RBL2: variants seen among roughly 807,000 people sequenced by gnomAD.
The protein encoded by RBL2 is retinoblastoma-like protein 2.
A neutral mutation model predicts 126.0 loss-of-function variants in RBL2; 56 were observed. The observed-to-expected ratio is 0.44, with a 90% CI of 0.36 to 0.56. The LOEUF (loss-of-function observed/expected upper bound fraction) is 0.56, where lower values mean the gene tolerates loss of function less well. Among genes scored for constraint, RBL2 ranks in the 20% least tolerant of loss-of-function variants. The probability of loss-of-function intolerance (pLI) is 0.00; values close to 1 mark genes in which losing one functional copy is unlikely to be tolerated. For missense variants in RBL2, 1,229 were observed against 1,398.2 expected (o/e 0.88, Z 1.93); for synonymous variants, 454 against 478.5 (o/e 0.95, Z 0.67).
chr16:53,453,340 C>T (rs2058133924), intron 5 of RBL2, 112 bp from the exon 6 acceptor site: 1 of 962,830 alleles, frequency 1.0e-6, no homozygotes, highest in Non-Finnish European at 1.5e-6. Context: ...GTTTCCTATA[C>T]ATTTGTATGC....
At chr16:53,461,180 C>G (rs532908506) in intron 9 of RBL2, among the ~76,000 whole-genome samples, 76 of 152,236 alleles carry the variant, frequency 5.0e-4, no homozygotes, top group African/African-American at 1.8e-3. Flanking sequence ...GCCAAGGTTG[C>G]TAAACTTCCT....
Position 53,464,353 on chromosome 16 carries a change from A to G in RBL2, c.1688A>G (p.His563Arg). The G allele has an allele frequency of 6.4e-7, 1 of 1,568,194 alleles. No individual in the cohort carries two copies. Among genetic ancestry groups the G allele is most frequent in the Non-Finnish European group, 8.7e-7 (1 of 1,143,374 alleles). ...ITEIFDVPLY[H>R]FYKVIEVFIR... is the part of the protein sequence containing the mutation. Reference sequence around the variant, plus strand: ...GAAATATTTGATGTGCCTCTTTATCATTTTTATAAGGTATTTTTAAAAATA... The same window carrying G: ...GAAATATTTGATGTGCCTCTTTATCGTTTTTATAAGGTATTTTTAAAAATA... The change falls in exon 12 of 22, where the codon CAT (histidine) becomes CGT (arginine). Residue 563 changes from histidine (H) to arginine (R), a missense_variant. Physicochemically the swap from His to Arg is conservative, Grantham distance 29. This residue lies in a region of RBL2 where 1,070 missense variants were observed against 1,274.3 expected (regional missense o/e 0.84). Transcript: ENST00000262133.
rs752022288 is a variant in RBL2, at chr16:53,454,717, A to G, written c.1054A>G (p.Ile352Val). The G allele has an allele frequency of 1.2e-5, 19 of 1,613,926 alleles. No individual in the cohort carries two copies. The African/African-American group carries it at 2.1e-4, about 18-fold the overall frequency. ...ATCTGTTGGGAATTTAGATGAGCGG[A>G]TATTTCTTGGAGAGGATGCTGAGGA... Reference protein sequence around the residue: ...VLSVGNLDERIFLGEDAEEEI... With the variant: ...VLSVGNLDERVFLGEDAEEEI... The change falls in exon 8 of 22, where the codon ATA (isoleucine) becomes GTA (valine). Residue 352 changes from isoleucine (I) to valine (V), a missense_variant. Ile to Val is a conservative substitution (Grantham distance 29, BLOSUM62 3). Transcript: ENST00000262133.
At chr16:53,461,333 A>G (rs954705104) in intron 9 of RBL2, among the ~76,000 whole-genome samples, 1 of 152,142 alleles carries the variant, frequency 6.6e-6, no homozygotes, top group Non-Finnish European at 1.5e-5. Context: ...TCTCTACTGA[A>G]AATACAAAAA....
chr16:53,476,846 G>A (rs1278842249), intron 17 of RBL2, among the ~76,000 whole-genome samples: 8 of 152,054 alleles, frequency 5.3e-5, no homozygotes, highest in East Asian at 3.9e-4. Flanking sequence ...TTTCATTTTC[G>A]AATGTATTTG....
At chr16:53,457,476 G>A (rs950269465) in intron 8 of RBL2, among the ~76,000 whole-genome samples, 1 of 151,570 alleles carries the variant, frequency 6.6e-6, no homozygotes, top group Non-Finnish European at 1.5e-5. Context: ...GGCTAGTCTG[G>A]TCTTGAACTC....
chr16:53,461,174 A>G (rs996162919), intron 9 of RBL2, among the ~76,000 whole-genome samples: 6 of 152,186 alleles, frequency 3.9e-5, no homozygotes, highest in African/African-American at 1.4e-4. Context: ...GCCCAGGCCA[A>G]GGTTGCTAAA....
In RBL2 at chr16:53,457,798, AC is replaced by A. The variant is rs1403922869; in HGVS notation, c.1180-1651del. ...GCTAAGCACAGTGCTACCAAGAAGCACCATGTTGACCTTGAGGACTCTGGCA... is the reference window on the plus strand; with the variant it reads ...GCTAAGCACAGTGCTACCAAGAAGCACATGTTGACCTTGAGGACTCTGGCA... On this transcript the variant is annotated intron_variant, in intron 8 of 21. Transcript: ENST00000262133. Among the ~76,000 whole-genome samples, 3 of 152,348 alleles carry A rather than the reference AC, an allele frequency of 2.0e-5. No individual in the cohort carries two copies. In the East Asian group the frequency reaches 5.8e-4, roughly 29 times the overall value.
chr16:53,475,769 T>G (rs939789829), intron 17 of RBL2, among the ~76,000 whole-genome samples: 1 of 151,842 alleles, frequency 6.6e-6, no homozygotes, highest in African/African-American at 2.4e-5. Flanking sequence ...TTAATATCTT[T>G]TTTCCCCAAA....
chr16:53,477,499 C>T (rs2048409934), intron 17 of RBL2, among the ~76,000 whole-genome samples: 1 of 152,100 alleles, frequency 6.6e-6, no homozygotes, highest in Non-Finnish European at 1.5e-5. Context: ...CATGTGCCAC[C>T]ATGCCCGGCT....
At chr16:53,438,939 T>G in intron 1 of RBL2, 77 bp from the exon 2 acceptor site, 4 of 1,040,680 alleles carry the variant, frequency 3.8e-6, no homozygotes, top group Non-Finnish European at 3.8e-6. Context: ...CACTTTCAAT[T>G]TAAACATACT....
chr16:53,459,433 A>C lies in RBL2; in HGVS notation c.1180-18A>C. On this transcript the variant is annotated intron_variant, in intron 8 of 21. Coordinates refer to ENST00000262133, the MANE Select transcript of RBL2 (RefSeq NM_005611.4). ...TAAAAAATGTTTATTAATTCTGTGT[A>C]ATTTTTTTTTTCTTTAGTCCAAAGC... 6.3e-7 allele frequency: 1 copy of C among 1,577,930 alleles called. No individual in the cohort carries two copies. Among genetic ancestry groups the C allele is most frequent in the Non-Finnish European group, 8.6e-7 (1 of 1,157,528 alleles).
At chr16:53,457,975 T>C (rs1312636625) in intron 8 of RBL2, among the ~76,000 whole-genome samples, 1 of 152,160 alleles carries the variant, frequency 6.6e-6, no homozygotes, top group Admixed American at 6.5e-5. Flanking sequence ...TAGGCATCGG[T>C]TCATGCACAG....
At position 53,490,125 on chromosome 16, in the gene RBL2, C is replaced by T; in HGVS notation, c.3250-5C>T. The T allele has an allele frequency of 1.9e-6, 3 of 1,558,904 alleles. No homozygotes were observed. Among genetic ancestry groups the T allele is most frequent in the Non-Finnish European group, 2.6e-6 (3 of 1,148,978 alleles). On this transcript the variant is annotated splice_region_variant and splice_polypyrimidine_tract_variant and intron_variant, in intron 21 of 21. Transcript: ENST00000262133. Reference sequence around the variant, plus strand: ...TAAAATTTTTGTATCTTTTTCCCACCATAGAGACTGAGAGAAATTAATAGT... The same window carrying T: ...TAAAATTTTTGTATCTTTTTCCCACTATAGAGACTGAGAGAAATTAATAGT...
intron 4 of RBL2, among the ~76,000 whole-genome samples, chr16:53,450,492 G>A (rs1440708409): frequency 1.3e-5 from 2 of 152,140 alleles, no homozygotes; most frequent in South Asian, 2.1e-4. Context: ...AAGCATACAT[G>A]TGCAGTGTTT....
At chr16:53,481,580 G>C (rs1183238883) in intron 20 of RBL2, 91 bp from the exon 21 acceptor site, 1 of 1,190,570 alleles carries the variant, frequency 8.4e-7, no homozygotes, top group Non-Finnish European at 1.1e-6. Context: ...AAAACTACTG[G>C]TTTAGCACAC....
rs897405226 is a variant in RBL2, at chr16:53,449,603, A to G, written c.638-2100A>G. On this transcript the variant is annotated intron_variant, in intron 4 of 21. Coordinates refer to ENST00000262133, the MANE Select transcript of RBL2 (RefSeq NM_005611.4). ...CGTGTCTCGAAAAAAAAAAAAAAAAAAAAGAAACTTGGTCCTCTCACAGTC... is the reference window on the plus strand; with the variant it reads ...CGTGTCTCGAAAAAAAAAAAAAAAAGAAAGAAACTTGGTCCTCTCACAGTC... 25 of 151,386 alleles carry G rather than the reference A, an allele frequency of 1.7e-4. No individual in the cohort carries two copies. In the East Asian group the frequency reaches 3.5e-3, roughly 21 times the overall value. 9.4% of individuals were successfully genotyped at this position (151,386 alleles called of 1,614,324 possible). A position where few individuals can be genotyped will look rare whatever the true frequency, so the allele number is the denominator to read the frequency against.
intron 17 of RBL2, among the ~76,000 whole-genome samples, chr16:53,477,510 G>T (rs1473718138): frequency 6.6e-6 from 1 of 151,820 alleles, no homozygotes; most frequent in Non-Finnish European, 1.5e-5. Context: ...ATGCCCGGCT[G>T]ATTTTTGTAT....
At position 53,454,716 on chromosome 16, in the gene RBL2, G is replaced by T. The variant is rs764478146; in HGVS notation, c.1053G>T (p.Arg351=). The change falls in exon 8 of 22, where the codon CGG becomes CGT. Residue 351 remains arginine, a synonymous_variant. Coordinates refer to ENST00000262133, the MANE Select transcript of RBL2 (RefSeq NM_005611.4). ...YVLSVGNLDE[R]IFLGEDAEEE... ...TATCTGTTGGGAATTTAGATGAGCG[G>T]ATATTTCTTGGAGAGGATGCTGAGG... is the stretch of plus-strand genomic sequence containing the variant. 1 of 1,614,066 alleles carries T rather than the reference G, an allele frequency of 6.2e-7. No individual in the cohort carries two copies. Among genetic ancestry groups the T allele is most frequent in the East Asian group, 2.2e-5 (1 of 44,882 alleles).
Sources: allele counts gnomAD v4.1 joint callset (sites outside exome capture counted in the v4.1 genomes callset), GRCh38; gene constraint gnomAD v4.1.1; regional missense constraint gnomAD v4.1.1; transcripts MANE v1.5; gene names NCBI Gene and HGNC (gene_info 2026-07-23, HGNC 2026-07-21).